The following B3GALT5 variants were observed in gnomAD, a reference collection of about 807,000 sequenced individuals.
B3GALT5 encodes beta-1,3-galactosyltransferase 5.
For synonymous variants in B3GALT5, 156 were observed against 158.6 expected, an observed-to-expected ratio of 0.98 and a Z score of 0.12; for missense variants, 328 against 396.6, an observed-to-expected ratio of 0.83 and a Z score of 1.47.
chr21:39,620,994 A>G (rs763908801), intron 1 of B3GALT5, among the ~76,000 whole-genome samples: 3 of 152,204 alleles, frequency 2.0e-5, no homozygotes, highest in Admixed American at 6.5e-5. Context: ...GTTAGGTACA[A>G]TGGCTCATGC....
At chr21:39,625,080 C>T (rs1434112487) in intron 1 of B3GALT5, among the ~76,000 whole-genome samples, 2 of 152,224 alleles carry the variant, frequency 1.3e-5, no homozygotes, top group Non-Finnish European at 2.9e-5. Context: ...TACACACACA[C>T]TTTTTCAGTT....
At chr21:39,625,892 A>G (rs560059499) in intron 1 of B3GALT5, among the ~76,000 whole-genome samples, 32 of 152,278 alleles carry the variant, frequency 2.1e-4, no homozygotes, top group African/African-American at 7.5e-4. Context: ...TGTTATCTGT[A>G]AAGTTTACAA....
At chr21:39,633,954 C>T (rs912473807) in intron 1 of B3GALT5, among the ~76,000 whole-genome samples, 4 of 152,182 alleles carry the variant, frequency 2.6e-5, no homozygotes, top group East Asian at 1.9e-4. Flanking sequence ...TGGGTGTTGG[C>T]GTCTGTAATA....
intron 1 of B3GALT5, among the ~76,000 whole-genome samples, chr21:39,614,082 G>C (rs184731847): frequency 6.6e-6 from 1 of 152,180 alleles, no homozygotes. Context: ...GGCTGCTGTT[G>C]AGAGTATTTT....
At position 39,645,045 on chromosome 21, in the gene B3GALT5, C is replaced by T. The variant is rs570073589; in HGVS notation, c.-391-1347C>T. ...GAGCATGAGCCCCAGGGAATGGAGG[C>T]GTCAGGCATGACCTGGTTAGCAACG... On this transcript the variant is annotated intron_variant, in intron 1 of 3. Transcript: ENST00000684187. Among the ~76,000 whole-genome samples, 6 of 152,252 alleles carry T rather than the reference C, an allele frequency of 3.9e-5. No individual in the cohort carries two copies. In the East Asian group the frequency reaches 9.7e-4, roughly 25 times the overall value.
intron 2 of B3GALT5, among the ~76,000 whole-genome samples, chr21:39,656,189 C>T (rs1408694692): frequency 2.6e-5 from 4 of 152,148 alleles, no homozygotes; most frequent in African/African-American, 9.7e-5. Flanking sequence ...ATTTGAGAAC[C>T]GTGGGGTTGT....
chr21:39,660,972 G>A lies in B3GALT5; in HGVS notation c.413G>A (p.Gly138Asp), dbSNP rs371036613. Residue 138 changes from glycine (G) to aspartate (D), a missense_variant, in exon 4 of 4, where the codon GGC (glycine) becomes GAC (aspartate). Coordinates refer to ENST00000684187, the MANE Select transcript of B3GALT5 (RefSeq NM_001356336.2). ...YYNLTLKTMM[G>D]IEWVHRFCPQ... ...AATCTGACCCTGAAGACCATGATGG[G>A]CATAGAATGGGTCCATCGCTTTTGT... 1.9e-5 allele frequency: 30 copies of A among 1,609,146 alleles called. No homozygotes were observed. The highest frequency in any genetic ancestry group is 2.4e-5 in the Non-Finnish European group (28 of 1,176,660).
At chr21:39,643,064 A>T (rs868406129) in intron 1 of B3GALT5, among the ~76,000 whole-genome samples, 1,833 of 150,034 alleles carry the variant, frequency 0.012, 13 homozygotes, top group Non-Finnish European at 0.018. Context: ...AAAAAAAAAA[A>T]TTTTTGTAAA....
chr21:39,636,905 CT>C (rs1420648017), intron 1 of B3GALT5, among the ~76,000 whole-genome samples: 1 of 152,138 alleles, frequency 6.6e-6, no homozygotes, highest in African/African-American at 2.4e-5. Flanking sequence ...TTTCTCATGA[CT>C]TTTAGCCTTT....
At chr21:39,643,417 CAAA>C (rs532164130) in intron 1 of B3GALT5, among the ~76,000 whole-genome samples, 15 of 113,392 alleles carry the variant, frequency 1.3e-4, no homozygotes, top group Non-Finnish European at 1.5e-4. Flanking sequence ...GACTCTAGCT[CAAA>C]AAAAAAAAAA....
At chr21:39,638,819 C>A (rs1431303594) in intron 1 of B3GALT5, among the ~76,000 whole-genome samples, 1 of 152,136 alleles carries the variant, frequency 6.6e-6, no homozygotes, top group African/African-American at 2.4e-5. Flanking sequence ...AGCAGCGGGG[C>A]ATGGAAGAAG....
chr21:39,655,402 G>A (rs947576240), intron 2 of B3GALT5, among the ~76,000 whole-genome samples: 1 of 152,352 alleles, frequency 6.6e-6, no homozygotes, highest in Admixed American at 6.5e-5. Context: ...TAACACTGAT[G>A]CTCAGCCCAC....
chr21:39,652,990 C>T (rs1235403107), intron 2 of B3GALT5, among the ~76,000 whole-genome samples: 3 of 152,118 alleles, frequency 2.0e-5, no homozygotes, highest in Admixed American at 1.3e-4. Flanking sequence ...GTGAAGTGTG[C>T]AAATCTTCGC....
chr21:39,672,773 A>C lies in B3GALT5; in HGVS notation c.*11281A>C, dbSNP rs1223005739. ...TATTTTGATTTTATATGTGTAGAAA[A>C]ATGTACTGAACAATGTTGACATGCT... On this transcript the variant is annotated 3_prime_UTR_variant, in exon 4 of 4. Transcript: ENST00000684187. 1 of 152,182 alleles carries C rather than the reference A, an allele frequency of 6.6e-6. No individual in the cohort carries two copies. The highest frequency in any genetic ancestry group is 1.5e-5 in the Non-Finnish European group (1 of 68,038). The allele number at this position is 152,182 out of a possible 1,614,324, so 9.4% of individuals were successfully genotyped here.
chr21:39,639,026 A>G (rs747542053), intron 1 of B3GALT5, among the ~76,000 whole-genome samples: 21 of 152,176 alleles, frequency 1.4e-4, no homozygotes, highest in Non-Finnish European at 2.9e-4. Flanking sequence ...CAAAACTGCT[A>G]ATGGGACATT....
chr21:39,626,157 C>T (rs2079162729), intron 1 of B3GALT5, among the ~76,000 whole-genome samples: 1 of 152,028 alleles, frequency 6.6e-6, no homozygotes, highest in African/African-American at 2.4e-5. Flanking sequence ...TCTAGGTAGC[C>T]CATGTAAGTG....
rs764955161 is a variant in B3GALT5, at chr21:39,672,268, A to G, written c.*10776A>G. On this transcript the variant is annotated 3_prime_UTR_variant, in exon 4 of 4. Transcript: ENST00000684187. Reference sequence around the variant, plus strand: ...AGAGGTAAGCCAAAGACATAGTGATACTTGGTTCAATTCGGCTCCAGAGAG... The same window carrying G: ...AGAGGTAAGCCAAAGACATAGTGATGCTTGGTTCAATTCGGCTCCAGAGAG... 6.6e-6 allele frequency: 1 copy of G among 152,230 alleles called. No homozygotes were observed. Among genetic ancestry groups the G allele is most frequent in the African/African-American group, 2.4e-5 (1 of 41,462 alleles). 9.4% of individuals were successfully genotyped at this position (152,230 alleles called of 1,614,324 possible).
chr21:39,626,638 G>A (rs943945552), intron 1 of B3GALT5, among the ~76,000 whole-genome samples: 1 of 151,926 alleles, frequency 6.6e-6, no homozygotes, highest in Admixed American at 6.6e-5. Context: ...TGCTATCCTG[G>A]TAGGTGCGAA....
intron 2 of B3GALT5, chr21:39,657,866 C>G: frequency 8.1e-7 from 1 of 1,231,790 alleles, no homozygotes. Flanking sequence ...TCAGGCCATA[C>G]AGCCTGGTGG....
Sources: gnomAD v4.1 joint callset for allele counts (sites outside exome capture counted in the v4.1 genomes callset) on GRCh38, gnomAD v4.1.1 for gene constraint, MANE v1.5 for transcripts, NCBI Gene and HGNC (gene_info 2026-07-23, HGNC 2026-07-21) for gene names.